Variants in TIMP2 observed in about 807,000 individuals in gnomAD.
TIMP2 encodes TIMP metallopeptidase inhibitor 2.
In TIMP2, 5 loss-of-function variants were observed where a neutral mutation model predicts 24.3. The observed-to-expected ratio is 0.21, with a 90% CI of 0.11 to 0.43. The LOEUF (loss-of-function observed/expected upper bound fraction) is 0.43. Among genes scored for constraint, TIMP2 ranks in the 20% least tolerant of loss-of-function variants. The pLI, the probability that TIMP2 is intolerant of heterozygous loss-of-function variation, is 1.00. For missense variants in TIMP2, 221 were observed against 297.5 expected (o/e 0.74, Z 1.89); for synonymous variants, 130 against 123.2 (o/e 1.06, Z -0.37).
At chr17:78,914,431 C>A (rs1360009228) in intron 1 of TIMP2, among the ~76,000 whole-genome samples, 1 of 151,514 alleles carries the variant, frequency 6.6e-6, no homozygotes, top group Non-Finnish European at 1.5e-5. Flanking sequence ...TACAGGCACC[C>A]GCCACCATGC....
chr17:78,896,908 T>C lies in TIMP2; in HGVS notation c.131-22989A>G. ...ATCCCAGCACCTGGGCCCAGGAATG[T>C]GCTTGGCCACCAGATTCCCAGCGAT... On this transcript the variant is annotated intron_variant, in intron 1 of 4. Transcript: ENST00000262768. This position sits in a 1 kb window ranked among gnomAD's most constrained non-coding sequence, Gnocchi z 4.4. 1.0e-6 allele frequency: 1 copy of C among 985,280 alleles called. No homozygotes were observed. The allele number at this position is 985,280 out of a possible 1,614,324, so 61.0% of individuals were successfully genotyped here.
At chr17:78,913,896 A>AG (rs1491234124) in intron 1 of TIMP2, among the ~76,000 whole-genome samples, 2 of 2,508 alleles carry the variant, frequency 8.0e-4, no homozygotes, top group Non-Finnish European at 4.3e-3. Context: ...TGTCTCGGGG[A>AG]AAAAAAAAAA....
chr17:78,923,408 C>CGGGGGGGGGGGGGGGGGG (rs2070323933), intron 1 of TIMP2, among the ~76,000 whole-genome samples: 1 of 5,474 alleles, frequency 1.8e-4, no homozygotes, highest in Non-Finnish European at 3.6e-4. Context: ...GGGGGGGGGG[C>CGGGGGGGGGGGGGGGGGG]GGGAGGGGGA....
Position 78,857,458 on chromosome 17 carries a change from C to T in TIMP2, c.465+64G>A, listed in dbSNP as rs762902289. 274 of 1,606,494 alleles carry T rather than the reference C, an allele frequency of 1.7e-4. 1 individual carries two copies. In the Middle Eastern group the frequency reaches 8.3e-3, roughly 49 times the overall value. Reference sequence around the variant, plus strand: ...GTCCTGGAAAGCCAGGGATCAAAATCCCTGCCGTCCATCTGGAGACACTGG... The same window carrying T: ...GTCCTGGAAAGCCAGGGATCAAAATTCCTGCCGTCCATCTGGAGACACTGG... On this transcript the variant is annotated intron_variant, in intron 4 of 4. Transcript: ENST00000262768.
chr17:78,914,777 A>C (rs1419747147), intron 1 of TIMP2, among the ~76,000 whole-genome samples: 2 of 151,350 alleles, frequency 1.3e-5, no homozygotes, highest in East Asian at 3.9e-4. Context: ...TGTAGAGATG[A>C]GGTCTTGCTA....
chr17:78,918,665 A>C (rs1423130326), intron 1 of TIMP2, among the ~76,000 whole-genome samples: 1 of 152,092 alleles, frequency 6.6e-6, no homozygotes, highest in African/African-American at 2.4e-5. Context: ...ACAAAAACAA[A>C]ACCTTGGCCA....
intron 3 of TIMP2, among the ~76,000 whole-genome samples, chr17:78,865,803 AAAAC>A (rs1325657151): frequency 1.3e-5 from 2 of 152,132 alleles, no homozygotes; most frequent in African/African-American, 4.8e-5. Context: ...AACAAAAACA[AAAAC>A]AAACAGAGAG....
chr17:78,921,231 T>A (rs1292844795), intron 1 of TIMP2, among the ~76,000 whole-genome samples: 1 of 152,190 alleles, frequency 6.6e-6, no homozygotes, highest in African/African-American at 2.4e-5. Context: ...AGGAACCAGG[T>A]CACCCTTGGC....
At chr17:78,866,584 C>T (rs905809782) in intron 3 of TIMP2, among the ~76,000 whole-genome samples, 1 of 150,362 alleles carries the variant, frequency 6.7e-6, no homozygotes, top group Non-Finnish European at 1.5e-5. Context: ...TGCAAAATCT[C>T]ACACACCAAT....
rs9893540 is a variant in TIMP2, at chr17:78,857,040, G to A, written c.465+482C>T. 1.4e-3 allele frequency: 214 copies of A among 154,756 alleles called. 1 individual carries two copies. The highest frequency in any genetic ancestry group is 4.9e-3 in the African/African-American group (202 of 41,542). 9.6% of individuals were successfully genotyped at this position (154,756 alleles called of 1,614,324 possible). ...TCTCACTCTGTCAACCCAGGCTGGG[G>A]TGCAGTGGTGTGATCTCAACTCACT... On this transcript the variant is annotated intron_variant, in intron 4 of 4. Coordinates refer to ENST00000262768, the MANE Select transcript of TIMP2 (RefSeq NM_003255.5).
intron 1 of TIMP2, among the ~76,000 whole-genome samples, chr17:78,923,795 T>C (rs568374694): frequency 2.5e-4 from 38 of 152,160 alleles, no homozygotes; most frequent in African/African-American, 9.2e-4. Flanking sequence ...ACGCAGCTCC[T>C]AGGGCTAACC....
At chr17:78,893,413 A>AGAGGTATGTGTGTG (rs1568001224) in intron 1 of TIMP2, among the ~76,000 whole-genome samples, 1 of 127,926 alleles carries the variant, frequency 7.8e-6, no homozygotes, top group Non-Finnish European at 1.6e-5. Flanking sequence ...GTGTGTGTGC[A>AGAGGTATGTGTGTG]TAGGGGTGTG....
At position 78,896,937 on chromosome 17, in the gene TIMP2, C is replaced by T; in HGVS notation, c.131-23018G>A. 3 of 985,400 alleles carry T rather than the reference C, an allele frequency of 3.0e-6. No homozygotes were observed. The highest frequency in any genetic ancestry group is 3.6e-6 in the Non-Finnish European group (3 of 829,932). The allele number at this position is 985,400 out of a possible 1,614,324, so 61.0% of individuals were successfully genotyped here. A position where few individuals can be genotyped will look rare whatever the true frequency, so the allele number is the denominator to read the frequency against. On this transcript the variant is annotated intron_variant, in intron 1 of 4. Coordinates refer to ENST00000262768, the MANE Select transcript of TIMP2 (RefSeq NM_003255.5). This position sits in a 1 kb window ranked among gnomAD's most constrained non-coding sequence, Gnocchi z 4.4. ...TGGCCACCAGATTCCCAGCGATTCT[C>T]ACCAAAGTCAGGCAACCTCTGGCCT...
intron 3 of TIMP2, among the ~76,000 whole-genome samples, chr17:78,858,902 T>C (rs1035387184): frequency 6.6e-6 from 1 of 152,128 alleles, no homozygotes; most frequent in Non-Finnish European, 1.5e-5. Flanking sequence ...AGGCTGGTCT[T>C]GAACTGAGCT....
chr17:78,870,355 G>A (rs1018206217), intron 3 of TIMP2, among the ~76,000 whole-genome samples: 44 of 151,124 alleles, frequency 2.9e-4, no homozygotes, highest in East Asian at 2.7e-3. Context: ...GGTGGAGGTT[G>A]CAGTAAGCCA....
At chr17:78,867,356 T>C (rs185633360) in intron 3 of TIMP2, among the ~76,000 whole-genome samples, 8 of 152,268 alleles carry the variant, frequency 5.3e-5, no homozygotes, top group African/African-American at 1.9e-4. Flanking sequence ...AGGAGAGGGA[T>C]AGAAGTCTTG....
At chr17:78,885,263 C>T (rs78504472) in intron 1 of TIMP2, among the ~76,000 whole-genome samples, 148 of 152,314 alleles carry the variant, frequency 9.7e-4, no homozygotes, top group African/African-American at 2.9e-3. Context: ...GGCGCGAACA[C>T]GGAATCTGTC....
chr17:78,909,471 G>C (rs934198769), intron 1 of TIMP2, among the ~76,000 whole-genome samples: 2 of 148,770 alleles, frequency 1.3e-5, no homozygotes, highest in Admixed American at 6.7e-5. Context: ...GCCCACGAAT[G>C]ACCCCCCCAC....
chr17:78,899,248 C>T (rs2070050932), intron 1 of TIMP2: 1 of 153,170 alleles, frequency 6.5e-6, no homozygotes, highest in African/African-American at 2.4e-5. Context: ...TCATCTCTCA[C>T]CTGAGGCCCT....
Sources: allele counts gnomAD v4.1 joint callset (sites outside exome capture counted in the v4.1 genomes callset), GRCh38; gene constraint gnomAD v4.1.1; non-coding constraint Gnocchi (gnomAD v3.1); transcripts MANE v1.5; gene names NCBI Gene and HGNC (gene_info 2026-07-23, HGNC 2026-07-21).